Variants in ANKRD55 observed in about 807,000 individuals in gnomAD.
ANKRD55 encodes ankyrin repeat domain-containing protein 55.
ANKRD55 carries 41 observed loss-of-function variants against 60.6 expected under a neutral mutation model. That is an observed-to-expected ratio of 0.68 (90% CI 0.53 to 0.88). The LOEUF is 0.88. ANKRD55 is among the 40% of genes least tolerant of loss of function. The pLI is 0.00. For missense variants in ANKRD55, 732 were observed against 767.6 expected, an observed-to-expected ratio of 0.95 and a Z score of 0.55; for synonymous variants, 264 against 290.3, an observed-to-expected ratio of 0.91 and a Z score of 0.92.
chr5:56,133,210 G>A (rs1580966940), intron 7 of ANKRD55, among the ~76,000 whole-genome samples: 1 of 151,696 alleles, frequency 6.6e-6, no homozygotes, highest in South Asian at 2.1e-4. Context: ...GGAGGCTGAG[G>A]TGGGCAGATC....
intron 2 of ANKRD55, among the ~76,000 whole-genome samples, chr5:56,212,248 A>G (rs573337685): frequency 1.2e-4 from 18 of 152,348 alleles, no homozygotes; most frequent in Non-Finnish European, 2.5e-4. Flanking sequence ...GAGGATATCT[A>G]TTAATAAAAT....
At chr5:56,141,212 T>A (rs898382488) in intron 7 of ANKRD55, among the ~76,000 whole-genome samples, 5 of 147,868 alleles carry the variant, frequency 3.4e-5, no homozygotes, top group African/African-American at 1.3e-4. Context: ...CCTCAAGTGA[T>A]CCTCCTGCCT....
chr5:56,186,267 A>C (rs1416372395), intron 2 of ANKRD55, among the ~76,000 whole-genome samples: 2 of 152,214 alleles, frequency 1.3e-5, no homozygotes, highest in African/African-American at 2.4e-5. Flanking sequence ...TCCCAGGCCC[A>C]AGTGATCCAC....
intron 5 of ANKRD55, among the ~76,000 whole-genome samples, chr5:56,163,627 T>C (rs572770169): frequency 6.6e-6 from 1 of 152,290 alleles, no homozygotes; most frequent in South Asian, 2.1e-4. Context: ...ACTGCCACTG[T>C]TAGAATCCCT....
At chr5:56,176,424 T>C (rs1758741290) in intron 3 of ANKRD55, 142 bp from the exon 4 acceptor site, 1 of 851,194 alleles carries the variant, frequency 1.2e-6, no homozygotes, top group Non-Finnish European at 1.8e-6. Flanking sequence ...ATGAAGCTGA[T>C]TGTTGCTACA....
intron 5 of ANKRD55, among the ~76,000 whole-genome samples, chr5:56,162,612 T>G (rs1397529204): frequency 6.6e-6 from 1 of 150,456 alleles, no homozygotes; most frequent in Admixed American, 6.6e-5. Flanking sequence ...TTGGGGAAAG[T>G]GGGGGTGGGG....
At chr5:56,210,034 G>C (rs1485440704) in intron 2 of ANKRD55, among the ~76,000 whole-genome samples, 1 of 151,930 alleles carries the variant, frequency 6.6e-6, no homozygotes, top group African/African-American at 2.4e-5. Context: ...TTGAGATGGA[G>C]TCTCGTTCTG....
chr5:56,219,198 C>G (rs183566386), intron 2 of ANKRD55, among the ~76,000 whole-genome samples: 1 of 142,094 alleles, frequency 7.0e-6, no homozygotes, highest in Non-Finnish European at 1.5e-5. Context: ...ACTTAAACCC[C>G]GGAGGTGGAG....
intron 4 of ANKRD55, among the ~76,000 whole-genome samples, chr5:56,173,906 A>G (rs888303407): frequency 3.3e-5 from 5 of 152,004 alleles, no homozygotes; most frequent in South Asian, 2.1e-4. Flanking sequence ...TTGTATACTG[A>G]GTTCAGAGTT....
chr5:56,229,554 T>G (rs559624465), intron 2 of ANKRD55, among the ~76,000 whole-genome samples: 1 of 152,262 alleles, frequency 6.6e-6, no homozygotes, highest in East Asian at 1.9e-4. Context: ...AACTAGTTTG[T>G]GCAAGTTCAT....
At chr5:56,199,376 A>C in intron 2 of ANKRD55, among the ~76,000 whole-genome samples, 1 of 152,196 alleles carries the variant, frequency 6.6e-6, no homozygotes, top group East Asian at 1.9e-4. Flanking sequence ...GTGTTGTACT[A>C]CATAGTGAAT....
rs879511375 is a variant in ANKRD55 at position 56,166,160 on chromosome 5, TCCTTC to T, written c.422+4529_422+4533del. Among the ~76,000 whole-genome samples, 317 of 101,868 alleles carry T rather than the reference TCCTTC, an allele frequency of 3.1e-3. 20 individuals carry two copies. The highest frequency in any genetic ancestry group is 2.5e-3 in the Non-Finnish European group (141 of 55,936). The allele number at this position is 101,868 out of a possible 152,430, so 66.8% of individuals were successfully genotyped here. On this transcript the variant is annotated intron_variant, in intron 5 of 11. Coordinates refer to ENST00000341048, the MANE Select transcript of ANKRD55 (RefSeq NM_024669.3). Reference sequence around the variant, plus strand: ...TTTCTTTCTTTCTTTCTTTCTTCTTTCCTTCCTTCCTTCCTTCCTTCCTTCCTTCC... The same window carrying T: ...TTTCTTTCTTTCTTTCTTTCTTCTTTCTTCCTTCCTTCCTTCCTTCCTTCC...
chr5:56,129,320 G>T (rs1305863399), intron 7 of ANKRD55, among the ~76,000 whole-genome samples: 1 of 152,214 alleles, frequency 6.6e-6, no homozygotes, highest in East Asian at 1.9e-4. Flanking sequence ...AAACAGTATT[G>T]TACATATCCT....
Position 56,176,150 on chromosome 5 carries a change from A to G in ANKRD55, c.312+2T>C, listed in dbSNP as rs1436641864. 6.2e-7 allele frequency: 1 copy of G among 1,614,078 alleles called. No individual in the cohort carries two copies. Among genetic ancestry groups the G allele is most frequent in the Non-Finnish European group, 8.5e-7 (1 of 1,180,022 alleles). ...CACCCTGTGACAGGCACAAGTCAGT[A>G]CCAGGTAGGTGGCCAGGCATAAACT... is the stretch of plus-strand genomic sequence containing the variant. On this transcript the variant is annotated splice_donor_variant, in intron 4 of 11. Coordinates refer to ENST00000341048, the MANE Select transcript of ANKRD55 (RefSeq NM_024669.3). LOFTEE classifies it high-confidence loss of function.
chr5:56,204,146 C>A (rs918540900), intron 2 of ANKRD55, among the ~76,000 whole-genome samples: 1 of 152,086 alleles, frequency 6.6e-6, no homozygotes, highest in Non-Finnish European at 1.5e-5. Flanking sequence ...AGTGTCTGTT[C>A]ATATCTTTTG....
intron 2 of ANKRD55, among the ~76,000 whole-genome samples, chr5:56,190,867 G>A (rs564675163): frequency 1.1e-4 from 16 of 152,228 alleles, no homozygotes; most frequent in Admixed American, 1.3e-4. Flanking sequence ...CAGAGCCCTC[G>A]TGCTCCAATC....
chr5:56,135,117 T>G (rs10461604), intron 7 of ANKRD55, among the ~76,000 whole-genome samples: 25,993 of 152,016 alleles, frequency 0.17, 2,607 homozygotes, highest in South Asian at 0.23. Flanking sequence ...GTAAAGAGCA[T>G]CTATAGAAAA....
chr5:56,108,809 C>A (rs1160650128), intron 10 of ANKRD55, among the ~76,000 whole-genome samples: 1 of 152,134 alleles, frequency 6.6e-6, no homozygotes, highest in South Asian at 2.1e-4. Flanking sequence ...GAGGCCGAGG[C>A]GGACGGATCA....
intron 5 of ANKRD55, among the ~76,000 whole-genome samples, chr5:56,165,505 C>T (rs966712946): frequency 6.6e-6 from 1 of 152,188 alleles, no homozygotes; most frequent in Non-Finnish European, 1.5e-5. Context: ...CATATCATCA[C>T]GCCATCATCA....
Sources: allele counts gnomAD v4.1 joint callset (sites outside exome capture counted in the v4.1 genomes callset), GRCh38; gene constraint gnomAD v4.1.1; transcripts MANE v1.5; gene names NCBI Gene and HGNC (gene_info 2026-07-23, HGNC 2026-07-21).